Variants in GPC6 observed in about 807,000 individuals in gnomAD.
GPC6 encodes the protein glypican 6, also known as glypican-6.
In GPC6, 14 loss-of-function variants were observed where a neutral mutation model predicts 55.2. The observed-to-expected ratio is 0.25, with a 90% CI of 0.17 to 0.40. GPC6 has a LOEUF of 0.40. GPC6 is among the 10% of genes least tolerant of loss of function. GPC6 has a pLI of 1.00. For synonymous variants in GPC6, 278 were observed against 259.6 expected, an observed-to-expected ratio of 1.07 and a Z score of -0.68; for missense variants, 641 against 708.5, an observed-to-expected ratio of 0.90 and a Z score of 1.08.
At position 94,142,828 on chromosome 13, in the gene GPC6, C is replaced by CT. The variant is rs766504929; in HGVS notation, c.877+114947dup. 1.2e-3 allele frequency among the ~76,000 whole-genome samples: 176 copies of CT among 145,502 alleles called. 1 individual carries two copies. Among genetic ancestry groups the CT allele is most frequent in the Admixed American group, 1.2e-3 (18 of 14,480 alleles). ...GGAACATTTTGGTCGTGGACGGCTA[C>CT]TTTTTTTTTTTTTCTTTTTGAGACT... On this transcript the variant is annotated intron_variant, in intron 4 of 8. Coordinates refer to ENST00000377047, the MANE Select transcript of GPC6 (RefSeq NM_005708.5).
chr13:93,997,101 A>C (rs1001504962), intron 3 of GPC6, among the ~76,000 whole-genome samples: 11 of 152,196 alleles, frequency 7.2e-5, no homozygotes, highest in African/African-American at 2.7e-4. Context: ...CACCCGTGTT[A>C]TCCTGAACTT....
chr13:93,450,632 C>G (rs1042580154), intron 1 of GPC6: 26 of 429,814 alleles, frequency 6.0e-5, no homozygotes, highest in South Asian at 9.7e-5. Context: ...TAATAGCTCC[C>G]TCAACTTCTG....
At position 94,382,499 on chromosome 13, in the gene GPC6, C is replaced by T. The variant is rs750929399; in HGVS notation, c.1238C>T (p.Thr413Ile). The change falls in exon 7 of 9, where the codon ACA becomes ATA. Residue 413 changes from threonine (T) to isoleucine (I), a missense_variant. Transcript: ENST00000377047. ...PYTICKDESV[T>I]AGTSNEEECW... ...ACTATCTGCAAGGACGAGAGCGTGA[C>T]AGCGGGCACGTCCAACGAGGAGGAA... The T allele has an allele frequency of 1.2e-6, 2 of 1,614,064 alleles. No individual in the cohort carries two copies. Among genetic ancestry groups the T allele is most frequent in the African/African-American group, 1.3e-5 (1 of 74,922 alleles).
intron 1 of GPC6, among the ~76,000 whole-genome samples, chr13:93,496,326 G>T (rs893514331): frequency 2.0e-5 from 3 of 152,160 alleles, no homozygotes; most frequent in Non-Finnish European, 4.4e-5. Context: ...CTCGGAAAAG[G>T]AACTCCCTGA....
chr13:93,834,308 G>A (rs1887651000), intron 3 of GPC6, among the ~76,000 whole-genome samples: 1 of 152,142 alleles, frequency 6.6e-6, no homozygotes, highest in South Asian at 2.1e-4. Context: ...TCATGAATGA[G>A]TTACAGAAAC....
chr13:94,173,939 G>T (rs891517534), intron 4 of GPC6, among the ~76,000 whole-genome samples: 6 of 152,136 alleles, frequency 3.9e-5, no homozygotes, highest in Admixed American at 2.0e-4. Flanking sequence ...TTCTTTAAAG[G>T]AAGCAGGCTT....
upstream of GPC6, among the ~76,000 whole-genome samples, chr13:93,223,019 C>CTTTTTT (rs3073915): frequency 0.019 from 1,936 of 100,694 alleles, 123 homozygotes; most frequent in East Asian, 0.031. Flanking sequence ...AGGGAAAACA[C>CTTTTTT]TTTTTTTTTT....
chr13:93,896,502 G>T (rs1176425047), intron 3 of GPC6, among the ~76,000 whole-genome samples: 4 of 152,028 alleles, frequency 2.6e-5, no homozygotes, highest in African/African-American at 4.8e-5. Flanking sequence ...AAAAATGATA[G>T]TCTCTCAAAC....
intron 2 of GPC6, among the ~76,000 whole-genome samples, chr13:93,550,200 G>A (rs906359921): frequency 1.3e-5 from 2 of 152,080 alleles, no homozygotes; most frequent in Admixed American, 6.6e-5. Flanking sequence ...CTGTCTTGAT[G>A]TTGGCACTAA....
At chr13:94,393,221 T>C (rs1457104874) in intron 7 of GPC6, among the ~76,000 whole-genome samples, 1 of 152,176 alleles carries the variant, frequency 6.6e-6, no homozygotes, top group Non-Finnish European at 1.5e-5. Context: ...ACAGTGAATA[T>C]GCTATATATT....
chr13:93,391,722 C>G (rs769227403), intron 1 of GPC6, among the ~76,000 whole-genome samples: 1 of 152,020 alleles, frequency 6.6e-6, no homozygotes, highest in Non-Finnish European at 1.5e-5. Flanking sequence ...TCTTGGGGTT[C>G]TTTTTCTTAG....
intron 4 of GPC6, among the ~76,000 whole-genome samples, chr13:94,249,336 T>G (rs1891284152): frequency 6.6e-6 from 1 of 152,098 alleles, no homozygotes; most frequent in Non-Finnish European, 1.5e-5. Context: ...CCAATAAATC[T>G]TGAGCCACAA....
rs200646263 is a variant in GPC6 at position 94,027,754 on chromosome 13, G to T, written c.737G>T (p.Arg246Leu). 2.5e-6 allele frequency: 4 copies of T among 1,613,678 alleles called. No homozygotes were observed. Among genetic ancestry groups the T allele is most frequent in the South Asian group, 1.1e-5 (1 of 91,046 alleles). ...GTCAGCCCAACCCCAGGGTGTATCC[G>T]TGCCCTCATGAAGATGCTGTACTGC... The part of the protein sequence containing the change: ...SKVSPTPGCI[R>L]ALMKMLYCPY... The change falls in exon 4 of 9, where the codon CGT becomes CTT. Residue 246 changes from arginine to leucine, a missense_variant. Physicochemically the swap from Arg to Leu is moderately radical, Grantham distance 102 (BLOSUM62 -2). Transcript: ENST00000377047.
At chr13:93,979,135 A>G (rs1190084234) in intron 3 of GPC6, among the ~76,000 whole-genome samples, 1 of 152,178 alleles carries the variant, frequency 6.6e-6, no homozygotes, top group Non-Finnish European at 1.5e-5. Context: ...AATATTATGT[A>G]TCTACACTCT....
intron 4 of GPC6, among the ~76,000 whole-genome samples, chr13:94,251,516 A>G (rs1308731300): frequency 6.6e-6 from 1 of 151,810 alleles, no homozygotes; most frequent in Non-Finnish European, 1.5e-5. Flanking sequence ...GAGAAAGACT[A>G]TACAAAGCCC....
intron 3 of GPC6, among the ~76,000 whole-genome samples, chr13:93,982,148 G>T (rs1440534786): frequency 6.6e-6 from 1 of 152,148 alleles, no homozygotes; most frequent in Non-Finnish European, 1.5e-5. Context: ...ATCCTGTGCT[G>T]ATGGGGCCTA....
intron 6 of GPC6, among the ~76,000 whole-genome samples, chr13:94,330,373 A>C (rs1164871982): frequency 2.0e-5 from 3 of 152,166 alleles, no homozygotes; most frequent in African/African-American, 7.2e-5. Context: ...CTGTACATGA[A>C]AATTACCTGG....
At chr13:93,612,544 A>ACACAC (rs1555316453) in intron 2 of GPC6, among the ~76,000 whole-genome samples, 1 of 71,082 alleles carries the variant, frequency 1.4e-5, no homozygotes, top group Non-Finnish European at 3.5e-5. Flanking sequence ...CACACACACA[A>ACACAC]ACTTCATGTG....
At chr13:93,599,764 TTAAAG>T (rs1175774076) in intron 2 of GPC6, among the ~76,000 whole-genome samples, 3 of 152,230 alleles carry the variant, frequency 2.0e-5, no homozygotes, top group African/African-American at 7.2e-5. Context: ...TTAGCTTAAT[TTAAAG>T]TATAAGCGTA....
Sources: gnomAD v4.1 joint callset for allele counts (sites outside exome capture counted in the v4.1 genomes callset) on GRCh38, gnomAD v4.1.1 for gene constraint, MANE v1.5 for transcripts, NCBI Gene and HGNC (gene_info 2026-07-23, HGNC 2026-07-21) for gene names.